The following ULK4 variants were observed in gnomAD, a reference collection of about 807,000 sequenced individuals.
The protein encoded by ULK4 is unc-51 like kinase 4.
In ULK4, 133 loss-of-function variants were observed where a neutral mutation model predicts 160.6. The ratio of observed to expected loss-of-function variants is 0.83; its 90% CI spans 0.72 to 0.96. ULK4 has a LOEUF of 0.96. Ranked by LOEUF, ULK4 falls within the 40% of genes least tolerant of loss-of-function variation. ULK4 has a pLI of 0.00. For synonymous variants in ULK4, 534 were observed against 539.8 expected (o/e 0.99, Z 0.15); for missense variants, 1,580 against 1,499.5 (o/e 1.05, Z -0.89).
intron 35 of ULK4, among the ~76,000 whole-genome samples, chr3:41,287,004 T>A (rs185187432): frequency 6.6e-6 from 1 of 152,312 alleles, no homozygotes; most frequent in East Asian, 1.9e-4. Context: ...TATATTGTAA[T>A]GTACTGTTCA....
intron 32 of ULK4, among the ~76,000 whole-genome samples, chr3:41,474,700 C>T (rs903550271): frequency 6.6e-6 from 1 of 150,570 alleles, no homozygotes; most frequent in African/African-American, 2.5e-5. Context: ...CTTGAATAGA[C>T]ATTTCTCAAA....
At position 41,783,874 on chromosome 3, in the gene ULK4, T is replaced by C. The variant is rs1343719339; in HGVS notation, c.2193+5787A>G. On this transcript the variant is annotated intron_variant, in intron 21 of 36. Coordinates refer to ENST00000301831, the MANE Select transcript of ULK4 (RefSeq NM_017886.4). ...TCTCAGACTTTTCCAGCCTTGAAAA[T>C]GAAATATTTGCAGGAAACATTAACA... Among the ~76,000 whole-genome samples, 6 of 152,010 alleles carry C rather than the reference T, an allele frequency of 3.9e-5. No individual in the cohort carries two copies. The South Asian group carries it at 6.2e-4, about 16-fold the overall frequency.
intron 35 of ULK4, among the ~76,000 whole-genome samples, chr3:41,327,099 G>A (rs1285773135): frequency 6.6e-6 from 1 of 151,988 alleles, no homozygotes; most frequent in Admixed American, 6.6e-5. Flanking sequence ...TTTGCTTTGG[G>A]GCTATTTATT....
intron 5 of ULK4, among the ~76,000 whole-genome samples, chr3:41,928,765 T>C (rs1699478382): frequency 6.6e-6 from 1 of 152,070 alleles, no homozygotes. Context: ...CCTGGACATA[T>C]ACATGCTCCC....
At chr3:41,743,697 G>T in intron 22 of ULK4, among the ~76,000 whole-genome samples, 1 of 151,896 alleles carries the variant, frequency 6.6e-6, no homozygotes, top group Admixed American at 6.5e-5. Flanking sequence ...AGGGAGCCTT[G>T]CTCTGTTGCC....
chr3:41,576,204 T>A (rs1371547215), intron 31 of ULK4, among the ~76,000 whole-genome samples: 3 of 152,186 alleles, frequency 2.0e-5, no homozygotes, highest in Non-Finnish European at 4.4e-5. Flanking sequence ...AAAATAGCAA[T>A]AACAAAGTCC....
At chr3:41,792,775 C>T (rs533600213) in intron 20 of ULK4, among the ~76,000 whole-genome samples, 5 of 152,346 alleles carry the variant, frequency 3.3e-5, no homozygotes, top group African/African-American at 1.2e-4. Context: ...TGAGAAGATG[C>T]ACAGAGCCTT....
At chr3:41,908,498 T>G (rs181501636) in intron 11 of ULK4, among the ~76,000 whole-genome samples, 366 of 152,092 alleles carry the variant, frequency 2.4e-3, no homozygotes, top group African/African-American at 7.9e-3. Flanking sequence ...CAGGCTAGAG[T>G]GCAGTGGCAC....
chr3:41,431,547 C>CCTTTTGTTTTTTTTT (rs563543377), intron 34 of ULK4, among the ~76,000 whole-genome samples: 1 of 95,854 alleles, frequency 1.0e-5, no homozygotes, highest in African/African-American at 4.2e-5. Flanking sequence ...AATTCCCTCC[C>CCTTTTGTTTTTTTTT]TTTTTTTTTT....
At chr3:41,746,549 T>A (rs972912469) in intron 22 of ULK4, among the ~76,000 whole-genome samples, 3 of 150,246 alleles carry the variant, frequency 2.0e-5, no homozygotes, top group Admixed American at 6.6e-5. Context: ...CAGCAGACCA[T>A]AGAGTAAATA....
At chr3:41,681,273 CA>C (rs2035913008) in intron 29 of ULK4, among the ~76,000 whole-genome samples, 1 of 152,016 alleles carries the variant, frequency 6.6e-6, no homozygotes, top group African/African-American at 2.4e-5. Flanking sequence ...ATGTTTCTGG[CA>C]AAAAACAGAT....
chr3:41,310,452 C>A (rs1386496307), intron 35 of ULK4, among the ~76,000 whole-genome samples: 1 of 151,884 alleles, frequency 6.6e-6, no homozygotes, highest in African/African-American at 2.4e-5. Context: ...GCTGGGAGGG[C>A]GGGGGAAGGC....
At chr3:41,588,510 A>G (rs1435464114) in intron 31 of ULK4, among the ~76,000 whole-genome samples, 5 of 152,178 alleles carry the variant, frequency 3.3e-5, no homozygotes, top group African/African-American at 1.2e-4. Flanking sequence ...TCTGAGAAGA[A>G]CAGGCAACCA....
intron 20 of ULK4, among the ~76,000 whole-genome samples, chr3:41,796,893 G>A (rs1388578403): frequency 6.6e-6 from 1 of 152,086 alleles, no homozygotes; most frequent in Non-Finnish European, 1.5e-5. Context: ...GCCCAGAACG[G>A]TACGTGGTAT....
intron 35 of ULK4, among the ~76,000 whole-genome samples, chr3:41,273,078 A>T (rs1291061148): frequency 6.6e-6 from 1 of 152,186 alleles, no homozygotes; most frequent in Non-Finnish European, 1.5e-5. Context: ...TGCATGCCTT[A>T]TAATCTTTTA....
chr3:41,936,413 G>A (rs930250082), intron 3 of ULK4, among the ~76,000 whole-genome samples: 1 of 152,106 alleles, frequency 6.6e-6, no homozygotes, highest in African/African-American at 2.4e-5. Flanking sequence ...CCAAAGTCAG[G>A]CACATTGAGA....
At chr3:41,699,157 T>C (rs2036590819) in intron 27 of ULK4, among the ~76,000 whole-genome samples, 1 of 152,216 alleles carries the variant, frequency 6.6e-6, no homozygotes, top group Admixed American at 6.5e-5. Flanking sequence ...TCAGCTTTAG[T>C]AGCTACTGCC....
chr3:41,643,084 G>C (rs541085848), intron 30 of ULK4, among the ~76,000 whole-genome samples: 310 of 152,240 alleles, frequency 2.0e-3, no homozygotes, highest in African/African-American at 7.2e-3. Flanking sequence ...GTAGATTCTG[G>C]ATATTAGCCC....
intron 17 of ULK4, among the ~76,000 whole-genome samples, chr3:41,840,619 G>A (rs556242747): frequency 2.6e-4 from 40 of 152,358 alleles, no homozygotes; most frequent in African/African-American, 9.4e-4. Context: ...CGAGTGGTCT[G>A]CCCACCTCGG....
Sources: gnomAD v4.1 joint callset for allele counts (sites outside exome capture counted in the v4.1 genomes callset) on GRCh38, gnomAD v4.1.1 for gene constraint, MANE v1.5 for transcripts, NCBI Gene and HGNC (gene_info 2026-07-23, HGNC 2026-07-21) for gene names.